ID3: variants seen among roughly 807,000 people sequenced by gnomAD.
ID3 encodes inhibitor of DNA binding 3, also known as DNA-binding protein inhibitor ID-3.
Under a neutral mutation model 9.6 loss-of-function variants are expected in ID3, and 4 were observed. The observed-to-expected ratio is 0.42, with a 90% confidence interval of 0.21 to 0.96. The LOEUF is 0.96. ID3 is among the 40% of genes least tolerant of loss of function. ID3 has a pLI of 0.30. For missense variants in ID3, 191 were observed against 164.5 expected, an observed-to-expected ratio of 1.16 and a Z score of -0.88; for synonymous variants, 108 against 75.2, an observed-to-expected ratio of 1.44 and a Z score of -2.26.
At chr1:23,558,587 G>T (rs1042289542) in intron 2 of ID3, 172 bp from the exon 3 acceptor site, 1 of 198,024 alleles carries the variant, frequency 5.0e-6, no homozygotes, top group Non-Finnish European at 1.1e-5. Context: ...GACCACAGGC[G>T]GAGCTTGCGC....
rs773890826 is a variant in ID3, at chr1:23,559,463, G to A, written c.-37C>T. On this transcript the variant is annotated 5_prime_UTR_variant, in exon 1 of 3. Coordinates refer to ENST00000374561, the MANE Select transcript of ID3 (RefSeq NM_002167.5). ...AGTCCAGAGGTGCCCCAAAGAGAAAGAAAACCAAAAGAAGTCCCGCTACAG... is the reference window on the plus strand; with the variant it reads ...AGTCCAGAGGTGCCCCAAAGAGAAAAAAAACCAAAAGAAGTCCCGCTACAG... 5 of 1,589,172 alleles carry A rather than the reference G, an allele frequency of 3.1e-6. No homozygotes were observed. The highest frequency in any genetic ancestry group is 1.8e-5 in the Admixed American group (1 of 57,092).
intron 2 of ID3, 171 bp downstream of exon 2, chr1:23,558,764 C>G: frequency 1.7e-6 from 1 of 600,968 alleles, no homozygotes; most frequent in South Asian, 2.0e-5. Flanking sequence ...GGCTTAAATG[C>G]ACATCACATG....
At chr1:23,558,845 C>T (rs976391148) in intron 2 of ID3, 90 bp downstream of exon 2, 13 of 831,866 alleles carry the variant, frequency 1.6e-5, no homozygotes, top group Admixed American at 6.3e-5. Flanking sequence ...CTCAGTTTCC[C>T]TAAACCGAGT....
chr1:23,558,038 T>C lies in ID3; in HGVS notation c.*403A>G, dbSNP rs1342101718. 1 of 152,638 alleles carries C rather than the reference T, an allele frequency of 6.6e-6. No individual in the cohort carries two copies. The highest frequency in any genetic ancestry group is 6.5e-5 in the Admixed American group (1 of 15,280). The allele number at this position is 152,638 out of a possible 1,614,324, so 9.5% of individuals were successfully genotyped here. ...CTTCCTGTAAAAAAGGTACAAAACC[T>C]ATATACTCTATTATAGAGTTCATAA... On this transcript the variant is annotated 3_prime_UTR_variant, in exon 3 of 3. Coordinates refer to ENST00000374561, the MANE Select transcript of ID3 (RefSeq NM_002167.5).
chr1:23,558,680 G>T, intron 2 of ID3: 1 of 488,750 alleles, frequency 2.0e-6, no homozygotes, highest in Non-Finnish European at 3.7e-6. Flanking sequence ...AGAAAGACTT[G>T]TATTTAGTCG....
Position 23,558,089 on chromosome 1 carries a change from A to T in ID3, c.*352T>A, listed in dbSNP as rs766970435. On this transcript the variant is annotated 3_prime_UTR_variant, in exon 3 of 3. Coordinates refer to ENST00000374561, the MANE Select transcript of ID3 (RefSeq NM_002167.5). ...ATCAGGGCAACAGAACCTTTCTCCA[A>T]GGAGACCAGAAGACCAGCTCTGCCG... 6.5e-6 allele frequency: 1 copy of T among 152,738 alleles called. No homozygotes were observed. Among genetic ancestry groups the T allele is most frequent in the Non-Finnish European group, 1.5e-5 (1 of 68,120 alleles). 9.5% of individuals were successfully genotyped at this position (152,738 alleles called of 1,614,324 possible). A position where few individuals can be genotyped will look rare whatever the true frequency, so the allele number is the denominator to read the frequency against.
chr1:23,559,057 A>G (rs1475545500), intron 1 of ID3, 38 bp from the exon 2 acceptor site: 1 of 1,612,686 alleles, frequency 6.2e-7, no homozygotes, highest in Non-Finnish European at 8.5e-7. Context: ...ACGCGAGGCA[A>G]TCGGGAGCTC....
At chr1:23,558,852 G>A (rs1471490254) in intron 2 of ID3, 83 bp downstream of exon 2, 22 of 878,286 alleles carry the variant, frequency 2.5e-5, no homozygotes, top group Admixed American at 4.2e-5. Context: ...TCCCTAAACC[G>A]AGTGAGTGGC....
chr1:23,559,456 A>G lies in ID3; in HGVS notation c.-30T>C. The G allele has an allele frequency of 6.3e-7, 1 of 1,592,516 alleles. No homozygotes were observed. Among genetic ancestry groups the G allele is most frequent in the Non-Finnish European group, 8.6e-7 (1 of 1,168,496 alleles). The stretch of plus-strand genomic sequence containing the variant: ...GGGAGTGAGTCCAGAGGTGCCCCAA[A>G]GAGAAAGAAAACCAAAAGAAGTCCC... On this transcript the variant is annotated 5_prime_UTR_variant, in exon 1 of 3. Coordinates refer to ENST00000374561, the MANE Select transcript of ID3 (RefSeq NM_002167.5).
At chr1:23,559,070 A>C (rs1172307873) in intron 1 of ID3, 51 bp from the exon 2 acceptor site, 1 of 1,611,066 alleles carries the variant, frequency 6.2e-7, no homozygotes, top group Non-Finnish European at 8.5e-7. Flanking sequence ...GGGAGCTCCG[A>C]GGGTCCCGCA....
intron 2 of ID3, 24 bp downstream of exon 2, chr1:23,558,911 C>T (rs965162473): frequency 3.3e-6 from 5 of 1,528,516 alleles, no homozygotes; most frequent in African/African-American, 1.4e-5. Context: ...TTAAACCTCC[C>T]TCTCCAAGAG....
intron 2 of ID3, 85 bp from the exon 3 acceptor site, chr1:23,558,500 G>A (rs113887634): frequency 0.06 from 9,315 of 155,938 alleles, 543 homozygotes; most frequent in South Asian, 0.31. Flanking sequence ...ACTGGCCGGC[G>A]CCAGGGAGGA....
rs777802321 is a variant in ID3 at position 23,559,328 on chromosome 1, T to G, written c.99A>C (p.Ala33=). Residue 33 remains alanine (A), a synonymous_variant, in exon 1 of 3, where the codon GCA becomes GCC. Transcript: ENST00000374561. ...AIARGRGKGP[A]AEEPLSLLDD... Reference sequence around the variant, plus strand: ...CCAGCAAGCTCAGCGGCTCCTCAGCTGCCGGGCCCTTCCCTCGGCCCCGGG... The same window carrying G: ...CCAGCAAGCTCAGCGGCTCCTCAGCGGCCGGGCCCTTCCCTCGGCCCCGGG... The G allele has an allele frequency of 6.2e-7, 1 of 1,613,536 alleles. No individual in the cohort carries two copies. The highest frequency in any genetic ancestry group is 8.5e-7 in the Non-Finnish European group (1 of 1,180,046).
chr1:23,558,950 C>G lies in ID3; in HGVS notation c.*10G>C, dbSNP rs1643682433. The stretch of plus-strand genomic sequence containing the variant: ...AGATACTCACCTGGAGGTGTCAGGA[C>G]ACGGCCGAGTCAGTGGCAAAAGCTC... On this transcript the variant is annotated 3_prime_UTR_variant, in exon 2 of 3. Transcript: ENST00000374561. 1 of 1,613,192 alleles carries G rather than the reference C, an allele frequency of 6.2e-7. No homozygotes were observed. Among genetic ancestry groups the G allele is most frequent in the Non-Finnish European group, 8.5e-7 (1 of 1,179,350 alleles).
intron 2 of ID3, 166 bp downstream of exon 2, chr1:23,558,769 C>T (rs1244068066): frequency 3.3e-6 from 2 of 603,876 alleles, no homozygotes; most frequent in South Asian, 2.0e-5. Flanking sequence ...AAATGCACAT[C>T]ACATGGAAAC....
Position 23,559,156 on chromosome 1 carries a change from G to A in ID3, c.271C>T (p.Pro91Ser), listed in dbSNP as rs1034901687. The change falls in exon 1 of 3, where the codon CCC (proline) becomes TCC (serine). Residue 91 changes from proline (P) to serine (S), a missense_variant. By Grantham distance (74) the Pro-to-Ser change is moderately conservative (BLOSUM62 -1). Transcript: ENST00000374561. ...ATGGGAAGGTGGGGGCCATCAGGGG[G>A]TCCAGGGGCTGGCTCGGCCAGGACT... ...QVVLAEPAPG[P>S]PDGPHLPIQT... 3 of 1,614,214 alleles carry A rather than the reference G, an allele frequency of 1.9e-6. No individual in the cohort carries two copies. The highest frequency in any genetic ancestry group is 1.1e-5 in the South Asian group (1 of 91,088).
At position 23,558,969 on chromosome 1, in the gene ID3, A is replaced by G. The variant is rs1420867079; in HGVS notation, c.351T>C (p.Phe117=). Residue 117 remains phenylalanine, a synonymous_variant, in exon 2 of 3, where the codon TTT becomes TTC. Coordinates refer to ENST00000374561, the MANE Select transcript of ID3 (RefSeq NM_002167.5). ...TCAGGACACGGCCGAGTCAGTGGCA[A>G]AAGCTCCTTTTGTCGTTGGAGATGA... ...ELVISNDKRS[F]CH 2 of 1,614,016 alleles carry G rather than the reference A, an allele frequency of 1.2e-6. No individual in the cohort carries two copies. The highest frequency in any genetic ancestry group is 2.2e-5 in the East Asian group (1 of 44,894).
intron 2 of ID3, 50 bp from the exon 3 acceptor site, chr1:23,558,465 G>C (rs1049441936): frequency 1.3e-5 from 2 of 154,752 alleles, no homozygotes; most frequent in Admixed American, 6.3e-5. Context: ...TCCGCCGAGC[G>C]TGCCGAGGCG....
At chr1:23,558,819 C>G (rs1201707690) in intron 2 of ID3, 116 bp downstream of exon 2, 1 of 671,716 alleles carries the variant, frequency 1.5e-6, no homozygotes, top group Non-Finnish European at 2.7e-6. Context: ...GGGCAAGTCA[C>G]TTGTCCCTCT....
Sources: gnomAD v4.1 joint callset for allele counts on GRCh38, gnomAD v4.1.1 for gene constraint, MANE v1.5 for transcripts, NCBI Gene and HGNC (gene_info 2026-07-23, HGNC 2026-07-21) for gene names.